The following AASS variants were observed in gnomAD, a reference collection of about 807,000 sequenced individuals.
AASS encodes the protein alpha-aminoadipic semialdehyde synthase, mitochondrial.
A neutral mutation model predicts 105.4 loss-of-function variants in AASS; 86 were observed. The observed-to-expected ratio is 0.82, with a 90% CI of 0.69 to 0.98. AASS has a LOEUF of 0.98. AASS is among the 50% of genes least tolerant of loss of function. The pLI is 0.00. For missense variants in AASS, 1,048 were observed against 1,143.2 expected (o/e 0.92, Z 1.20); for synonymous variants, 381 against 394.8 (o/e 0.96, Z 0.41).
intron 11 of AASS, among the ~76,000 whole-genome samples, chr7:122,110,066 T>A (rs1794860835): frequency 1.3e-5 from 2 of 151,982 alleles, no homozygotes; most frequent in African/African-American, 4.8e-5. Flanking sequence ...ACCTAAGCAC[T>A]TATTGCAAGA....
intron 11 of AASS, among the ~76,000 whole-genome samples, chr7:122,105,110 A>C (rs1794605106): frequency 6.6e-6 from 1 of 152,092 alleles, no homozygotes; most frequent in African/African-American, 2.4e-5. Context: ...AAAACTTAAC[A>C]CAAAAATTTT....
intron 19 of AASS, 112 bp downstream of exon 19, chr7:122,085,900 G>C: frequency 8.6e-7 from 1 of 1,159,592 alleles, no homozygotes; most frequent in Non-Finnish European, 1.3e-6. Context: ...TGAAAAAATA[G>C]ACTCCAACTT....
At chr7:122,101,733 C>T in intron 11 of AASS, 53 bp from the exon 12 acceptor site, 1 of 1,327,430 alleles carries the variant, frequency 7.5e-7, no homozygotes, top group South Asian at 1.2e-5. Context: ...AAGAAGGCCT[C>T]TTGGTGTTTG....
At chr7:122,130,757 A>C (rs1174278942) in intron 2 of AASS, among the ~76,000 whole-genome samples, 2 of 152,024 alleles carry the variant, frequency 1.3e-5, no homozygotes, top group Non-Finnish European at 2.9e-5. Context: ...TAAAGGATGA[A>C]TATACAATTT....
chr7:122,093,296 T>A, intron 15 of AASS, 138 bp from the exon 16 acceptor site: 1 of 727,388 alleles, frequency 1.4e-6, no homozygotes, highest in Non-Finnish European at 2.5e-6. Flanking sequence ...ACTTATACAC[T>A]GTTGGTGGGA....
intron 4 of AASS, among the ~76,000 whole-genome samples, chr7:122,122,490 A>C (rs1224982877): frequency 2.0e-5 from 3 of 152,240 alleles, no homozygotes; most frequent in Admixed American, 6.5e-5. Flanking sequence ...AAAGGAAAAC[A>C]ACAAAATCTA....
At chr7:122,081,380 C>T (rs1454565652) in intron 20 of AASS, 120 bp downstream of exon 20, 2 of 844,690 alleles carry the variant, frequency 2.4e-6, no homozygotes, top group African/African-American at 1.7e-5. Flanking sequence ...TAGGATTTAT[C>T]TTCCTGCTCA....
chr7:122,129,466 T>C lies in AASS; in HGVS notation c.282A>G (p.Arg94=). 1 of 1,613,514 alleles carries C rather than the reference T, an allele frequency of 6.2e-7. No homozygotes were observed. Among genetic ancestry groups the C allele is most frequent in the Non-Finnish European group, 8.5e-7 (1 of 1,179,660 alleles). The change falls in exon 3 of 24, where the codon AGA becomes AGG. Residue 94 remains arginine, a synonymous_variant. Coordinates refer to ENST00000417368, the MANE Select transcript of AASS (RefSeq NM_005763.4). ...SEACLILGVK[R]PPEEKLMSRK... ...TGGACATTAATTTTTCCTCTGGAGG[T>C]CTTTTAACTCCTAAAATTAGACAAG...
In AASS at chr7:122,075,486, GACA is replaced by G. The variant is rs1562895672; in HGVS notation, c.*1000_*1002del. ...AAGTTGAATAGAAATGGCCAAAGCAGACATCCTTGTCTTGTTTCTGATCTCAGG... is the reference window on the plus strand; with the variant it reads ...AAGTTGAATAGAAATGGCCAAAGCAGTCCTTGTCTTGTTTCTGATCTCAGG... On this transcript the variant is annotated 3_prime_UTR_variant, in exon 24 of 24. Coordinates refer to ENST00000417368, the MANE Select transcript of AASS (RefSeq NM_005763.4). Among the ~76,000 whole-genome samples the G allele has an allele frequency of 3.3e-5, 5 of 152,196 alleles. No individual in the cohort carries two copies. Among genetic ancestry groups the G allele is most frequent in the African/African-American group, 1.2e-4 (5 of 41,456 alleles).
In AASS at chr7:122,133,534, G is replaced by C; in HGVS notation, c.193C>G (p.Arg65Gly). The C allele has an allele frequency of 6.2e-7, 1 of 1,614,096 alleles. No homozygotes were observed. Among genetic ancestry groups the C allele is most frequent in the South Asian group, 1.1e-5 (1 of 91,074 alleles). Residue 65 changes from arginine to glycine, a missense_variant, in exon 2 of 24, where the codon CGG becomes GGG. Coordinates refer to ENST00000417368, the MANE Select transcript of AASS (RefSeq NM_005763.4). ...ATACTCACCTTATCATGAATGGCCC[G>C]CCGATTCGAAGGCTGTATCAAGACC... is the stretch of plus-strand genomic sequence containing the variant. ...YKVLIQPSNRRAIHDKDYVKA... is the reference protein window; with the variant it reads ...YKVLIQPSNRGAIHDKDYVKA...
In AASS at chr7:122,076,305, G is replaced by A. The variant is rs1793003842; in HGVS notation, c.*184C>T. 4 of 577,976 alleles carry A rather than the reference G, an allele frequency of 6.9e-6. No homozygotes were observed. Among genetic ancestry groups the A allele is most frequent in the Admixed American group, 6.1e-5 (2 of 33,020 alleles). The allele number at this position is 577,976 out of a possible 1,614,324, so 35.8% of individuals were successfully genotyped here. On this transcript the variant is annotated 3_prime_UTR_variant, in exon 24 of 24. Coordinates refer to ENST00000417368, the MANE Select transcript of AASS (RefSeq NM_005763.4). ...GAATTATTAAAGTTCTCTGTTAGTG[G>A]CTTGCATCTCCTGTTCCAAACATTT...
At chr7:122,092,784 A>T (rs1793969006) in intron 17 of AASS, 59 bp downstream of exon 17, 1 of 1,378,816 alleles carries the variant, frequency 7.3e-7, no homozygotes, top group African/African-American at 1.4e-5. Flanking sequence ...TCATACTTTG[A>T]TTCTGTACAC....
chr7:122,110,435 A>T (rs1329757810), intron 11 of AASS, among the ~76,000 whole-genome samples: 1 of 151,940 alleles, frequency 6.6e-6, no homozygotes. Flanking sequence ...AAATCTGAAC[A>T]TTCTTAAGTT....
chr7:122,135,052 C>T (rs1796080829), intron 1 of AASS, among the ~76,000 whole-genome samples: 1 of 152,058 alleles, frequency 6.6e-6, no homozygotes, highest in African/African-American at 2.4e-5. Flanking sequence ...TATGTTCTCA[C>T]TCACAGGTGG....
In AASS at chr7:122,076,591, T is replaced by C; in HGVS notation, c.2679A>G (p.Lys893=). ...CCTTTGAAAAGGGCCCCATTAGGCCTTTGGCTCCAATTTCACCTGGAAGAA... is the reference window on the plus strand; with the variant it reads ...CCTTTGAAAAGGGCCCCATTAGGCCCTTGGCTCCAATTTCACCTGGAAGAA... ...KMLLDGEIGA[K]GLMGPFSKEI... The change falls in exon 24 of 24, where the codon AAA becomes AAG. Residue 893 remains lysine (K), a synonymous_variant. Transcript: ENST00000417368. 6.2e-7 allele frequency: 1 copy of C among 1,612,506 alleles called. No homozygotes were observed. Among genetic ancestry groups the C allele is most frequent in the Non-Finnish European group, 8.5e-7 (1 of 1,178,554 alleles).
chr7:122,116,369 A>G (rs1416258354), intron 8 of AASS, among the ~76,000 whole-genome samples: 1 of 152,226 alleles, frequency 6.6e-6, no homozygotes, highest in African/African-American at 2.4e-5. Context: ...GAAATGGCTT[A>G]GCGCTATTGG....
rs533017056 is a variant in AASS, at chr7:122,074,406, A to T, written c.*2083T>A. The stretch of plus-strand genomic sequence containing the variant: ...CCTCCCTTAACTAATACATGATTTT[A>T]AAAAAAATTATCTCATTCTGTGGGT... On this transcript the variant is annotated 3_prime_UTR_variant, in exon 24 of 24. Coordinates refer to ENST00000417368, the MANE Select transcript of AASS (RefSeq NM_005763.4). Among the ~76,000 whole-genome samples, 25 of 152,184 alleles carry T rather than the reference A, an allele frequency of 1.6e-4. No homozygotes were observed. In the South Asian group the frequency reaches 1.9e-3, roughly 11 times the overall value.
chr7:122,135,874 G>GTTCATTTATATACAGA (rs1174000614), intron 1 of AASS, among the ~76,000 whole-genome samples: 1 of 152,000 alleles, frequency 6.6e-6, no homozygotes, highest in African/African-American at 2.4e-5. Flanking sequence ...TTATATACAG[G>GTTCATTTATATACAGA]TTCATTTATT....
intron 11 of AASS, among the ~76,000 whole-genome samples, chr7:122,103,327 A>G (rs944871239): frequency 2.6e-5 from 4 of 152,104 alleles, no homozygotes; most frequent in Non-Finnish European, 4.4e-5. Flanking sequence ...GCTGATGCAC[A>G]GAAACCTGCC....
Sources: allele counts gnomAD v4.1 joint callset (sites outside exome capture counted in the v4.1 genomes callset), GRCh38; gene constraint gnomAD v4.1.1; transcripts MANE v1.5; gene names NCBI Gene and HGNC (gene_info 2026-07-23, HGNC 2026-07-21).